The following LYPLAL1 variants were observed in gnomAD, a reference collection of about 807,000 sequenced individuals.
LYPLAL1 encodes lysophospholipase-like protein 1.
A neutral mutation model predicts 19.7 loss-of-function variants in LYPLAL1; 23 were observed. The ratio of observed to expected loss-of-function variants is 1.17; its 90% confidence interval spans 0.84 to 1.65. The LOEUF is 1.65. Among genes scored for constraint, LYPLAL1 ranks in the 40% most tolerant of loss-of-function variants. The pLI, the probability that LYPLAL1 is intolerant of heterozygous loss-of-function variation, is 0.00. For missense variants in LYPLAL1, 355 were observed against 279.4 expected (o/e 1.27, Z -1.93); for synonymous variants, 119 against 96.3 (o/e 1.24, Z -1.38).
the LYPLAL1 span, among the ~76,000 whole-genome samples, chr1:219,443,307 T>C: frequency 6.6e-6 from 1 of 152,164 alleles, no homozygotes; most frequent in Non-Finnish European, 1.5e-5. Context: ...TAGAAATAAG[T>C]GGTGCCCAGC....
chr1:219,326,637 G>A, the LYPLAL1 span, among the ~76,000 whole-genome samples: 3 of 152,078 alleles, frequency 2.0e-5, no homozygotes, highest in Admixed American at 6.6e-5. Flanking sequence ...CCTCCTTGGC[G>A]CCTTTCCTGT....
chr1:219,318,148 G>A, the LYPLAL1 span, among the ~76,000 whole-genome samples: 7 of 152,206 alleles, frequency 4.6e-5, no homozygotes, highest in Admixed American at 1.3e-4. Flanking sequence ...GCTTGAGCTC[G>A]TTTTCTCTGG....
At chr1:219,412,904 G>A in the LYPLAL1 span, among the ~76,000 whole-genome samples, 1 of 152,202 alleles carries the variant, frequency 6.6e-6, no homozygotes, top group East Asian at 1.9e-4. Flanking sequence ...CTGGTATGAT[G>A]AGTTGGCTCA....
At chr1:219,201,295 A>G (rs1018562410) in intron 3 of LYPLAL1, among the ~76,000 whole-genome samples, 76 of 151,812 alleles carry the variant, frequency 5.0e-4, no homozygotes, top group Non-Finnish European at 4.6e-4. Flanking sequence ...ATATAAAATA[A>G]ATTTTCTACT....
chr1:219,189,107 G>A (rs1445826588), intron 2 of LYPLAL1, among the ~76,000 whole-genome samples: 2 of 151,722 alleles, frequency 1.3e-5, no homozygotes, highest in South Asian at 2.1e-4. Context: ...CTTCTGCTGA[G>A]CATCTATCTC....
At chr1:219,194,654 G>A (rs1408437296) in intron 3 of LYPLAL1, among the ~76,000 whole-genome samples, 1 of 151,902 alleles carries the variant, frequency 6.6e-6, no homozygotes, top group East Asian at 1.9e-4. Flanking sequence ...CTATCACAAT[G>A]CCTGGCACAG....
At chr1:219,389,793 A>G in the LYPLAL1 span, among the ~76,000 whole-genome samples, 1 of 152,186 alleles carries the variant, frequency 6.6e-6, no homozygotes, top group African/African-American at 2.4e-5. Flanking sequence ...AGTGGCAAAA[A>G]TCGCAATTAC....
chr1:219,192,222 C>T (rs1274568267), intron 2 of LYPLAL1, among the ~76,000 whole-genome samples: 5 of 151,644 alleles, frequency 3.3e-5, no homozygotes, highest in South Asian at 2.1e-4. Context: ...TCAGGTCTCA[C>T]CTGTTGTCTT....
chr1:219,229,071 A>G, the LYPLAL1 span, among the ~76,000 whole-genome samples: 1 of 152,024 alleles, frequency 6.6e-6, no homozygotes, highest in Non-Finnish European at 1.5e-5. Flanking sequence ...ATATGAGTAA[A>G]CTGAAAGACA....
the LYPLAL1 span, among the ~76,000 whole-genome samples, chr1:219,389,999 G>A: frequency 1.3e-5 from 2 of 151,862 alleles, no homozygotes; most frequent in South Asian, 2.1e-4. Flanking sequence ...TAATGCTCCC[G>A]AATTGCCACT....
the LYPLAL1 span, among the ~76,000 whole-genome samples, chr1:219,238,230 C>T: frequency 4.0e-5 from 6 of 150,300 alleles, no homozygotes; most frequent in South Asian, 4.2e-4. Context: ...CTCCACCTCC[C>T]GGGTTCACGC....
the LYPLAL1 span, among the ~76,000 whole-genome samples, chr1:219,411,132 TG>T: frequency 8.2e-6 from 1 of 121,892 alleles, no homozygotes; most frequent in Admixed American, 8.0e-5. Flanking sequence ...GGTGGGGACG[TG>T]GAGAGTCTTT....
At chr1:219,291,791 C>CAA in the LYPLAL1 span, among the ~76,000 whole-genome samples, 172 of 150,146 alleles carry the variant, frequency 1.1e-3, no homozygotes, top group Middle Eastern at 3.4e-3. Flanking sequence ...TTCATATGTG[C>CAA]AAAAAAAAAT....
chr1:219,320,040 G>C, the LYPLAL1 span, among the ~76,000 whole-genome samples: 2 of 152,132 alleles, frequency 1.3e-5, no homozygotes, highest in African/African-American at 4.8e-5. Flanking sequence ...GGAGAAAATA[G>C]CACAGATAAC....
At chr1:219,180,385 A>G (rs1656175805) in intron 2 of LYPLAL1, among the ~76,000 whole-genome samples, 1 of 152,220 alleles carries the variant, frequency 6.6e-6, no homozygotes, top group Non-Finnish European at 1.5e-5. Context: ...AACTTCAAGG[A>G]CGTTTTTATA....
chr1:219,259,311 A>G, the LYPLAL1 span, among the ~76,000 whole-genome samples: 1 of 151,842 alleles, frequency 6.6e-6, no homozygotes, highest in Non-Finnish European at 1.5e-5. Flanking sequence ...ACTTGGACAC[A>G]AATGTTTGTT....
At chr1:219,377,882 T>G in the LYPLAL1 span, among the ~76,000 whole-genome samples, 1 of 152,184 alleles carries the variant, frequency 6.6e-6, no homozygotes, top group African/African-American at 2.4e-5. Flanking sequence ...ACATTTTCTA[T>G]AAAGGGCCAG....
rs1426702989 is a variant in LYPLAL1 at position 219,205,346 on chromosome 1, A to C, written c.362-5186A>C. Among the ~76,000 whole-genome samples, 3 of 140,808 alleles carry C rather than the reference A, an allele frequency of 2.1e-5. No individual in the cohort carries two copies. The Admixed American group carries it at 2.2e-4, about 10-fold the overall frequency. The allele number at this position is 140,808 out of a possible 152,430, so 92.4% of individuals were successfully genotyped here. ...CAGTCCGCAGTCCGGCCTGGGCGACAGAGCGAGACTCCGTCTCAAAAAAAA... is the reference window on the plus strand; with the variant it reads ...CAGTCCGCAGTCCGGCCTGGGCGACCGAGCGAGACTCCGTCTCAAAAAAAA... On this transcript the variant is annotated intron_variant, in intron 3 of 4. Coordinates refer to ENST00000366928, the MANE Select transcript of LYPLAL1 (RefSeq NM_138794.5).
intron 3 of LYPLAL1, among the ~76,000 whole-genome samples, chr1:219,202,459 C>T (rs1279869178): frequency 1.3e-5 from 2 of 152,018 alleles, no homozygotes; most frequent in Admixed American, 1.3e-4. Context: ...TTTCATTGCT[C>T]CTAGATTATT....
Sources: gnomAD v4.1 joint callset for allele counts (sites outside exome capture counted in the v4.1 genomes callset) on GRCh38, gnomAD v4.1.1 for gene constraint, MANE v1.5 for transcripts, NCBI Gene and HGNC (gene_info 2026-07-23, HGNC 2026-07-21) for gene names.